Variants in TMEM242 observed in about 807,000 individuals in gnomAD.
The protein encoded by TMEM242 is UPF0463 transmembrane protein C6orf35.
TMEM242 carries 10 observed loss-of-function variants against 18.2 expected under a neutral mutation model. The observed-to-expected ratio is 0.55, with a 90% confidence interval of 0.34 to 0.93. The LOEUF (loss-of-function observed/expected upper bound fraction) is 0.93, where lower values mean the gene tolerates loss of function less well. Among genes scored for constraint, TMEM242 ranks in the 40% least tolerant of loss-of-function variants. TMEM242 has a pLI of 0.02. For synonymous variants in TMEM242, 57 were observed against 69.9 expected (o/e 0.81, Z 0.92); for missense variants, 186 against 175.5 (o/e 1.06, Z -0.34).
intron 3 of TMEM242, among the ~76,000 whole-genome samples, chr6:157,312,590 G>C (rs1554249319): frequency 4.1e-4 from 59 of 144,900 alleles, no homozygotes; most frequent in African/African-American, 1.4e-3. Context: ...CCTCATCATA[G>C]TGCCGCAGTG....
intron 2 of TMEM242, among the ~76,000 whole-genome samples, chr6:157,319,959 C>T (rs1408556367): frequency 3.3e-5 from 5 of 152,090 alleles, no homozygotes; most frequent in Non-Finnish European, 7.4e-5. Context: ...TGAGTCAAGC[C>T]CGCAGAAGAA....
rs1778451826 is a variant in TMEM242 at position 157,318,918 on chromosome 6, C to A, written c.191G>T (p.Gly64Val). 1.3e-6 allele frequency: 2 copies of A among 1,595,068 alleles called. No individual in the cohort carries two copies. Among genetic ancestry groups the A allele is most frequent in the East Asian group, 2.2e-5 (1 of 44,588 alleles). Reference sequence around the variant, plus strand: ...CGGTAATGCAGCCGTGGCCATACTTCCCTGAAATGAAACAGAAAAGTTGAG... The same window carrying A: ...CGGTAATGCAGCCGTGGCCATACTTACCTGAAATGAAACAGAAAAGTTGAG... ...KKKSPEWFNK[G>V]SMATAALPES... The change falls in exon 3 of 4, where the codon GGA (glycine) becomes GTA (valine). Residue 64 changes from glycine (G) to valine (V), a missense_variant and splice_region_variant. Coordinates refer to ENST00000400788, the MANE Select transcript of TMEM242 (RefSeq NM_018452.6).
At chr6:157,312,862 G>C (rs1554249458) in intron 3 of TMEM242, among the ~76,000 whole-genome samples, 18 of 134,000 alleles carry the variant, frequency 1.3e-4, no homozygotes, top group South Asian at 7.1e-4. Flanking sequence ...CCTCATCATA[G>C]TGTCCCAGTG....
At chr6:157,317,391 C>G (rs1778410356) in intron 3 of TMEM242, among the ~76,000 whole-genome samples, 1 of 152,166 alleles carries the variant, frequency 6.6e-6, no homozygotes, top group Admixed American at 6.6e-5. Context: ...GAAGTGTTTT[C>G]TTCACCGGGT....
chr6:157,314,436 C>G (rs1188167127), intron 3 of TMEM242, among the ~76,000 whole-genome samples: 9 of 73,900 alleles, frequency 1.2e-4, no homozygotes, highest in Admixed American at 5.9e-4. Flanking sequence ...ATCTTTTTTT[C>G]CAGAATTAAG....
intron 3 of TMEM242, among the ~76,000 whole-genome samples, chr6:157,310,333 A>G (rs763081446): frequency 9.2e-5 from 1 of 10,852 alleles, no homozygotes; most frequent in East Asian, 2.6e-3. Flanking sequence ...AACTTAAACT[A>G]TCTGTCTTGA....
chr6:157,316,169 T>C (rs1464067823), intron 3 of TMEM242, among the ~76,000 whole-genome samples: 1 of 152,224 alleles, frequency 6.6e-6, no homozygotes, highest in Non-Finnish European at 1.5e-5. Flanking sequence ...ACAGTTCATG[T>C]AAAGTGCTAG....
In TMEM242 at chr6:157,295,976, C is replaced by T. The variant is rs914619746; in HGVS notation, c.328-2977G>A. On this transcript the variant is annotated intron_variant, in intron 3 of 3. Coordinates refer to ENST00000400788, the MANE Select transcript of TMEM242 (RefSeq NM_018452.6). ...GGACAGTAAATGAAAACCTTCACAT[C>T]GTTTCCACCTATATCAATTTCTGAT... Among the ~76,000 whole-genome samples, 9 of 152,154 alleles carry T rather than the reference C, an allele frequency of 5.9e-5. No homozygotes were observed. In the East Asian group the frequency reaches 1.3e-3, roughly 23 times the overall value.
chr6:157,300,543 T>A (rs1336023811), intron 3 of TMEM242, among the ~76,000 whole-genome samples: 1 of 152,234 alleles, frequency 6.6e-6, no homozygotes, highest in African/African-American at 2.4e-5. Context: ...GATAGGGCGC[T>A]GTGCTTTGCA....
chr6:157,310,267 G>C (rs1360433303), intron 3 of TMEM242, among the ~76,000 whole-genome samples: 1 of 151,258 alleles, frequency 6.6e-6, no homozygotes, highest in African/African-American at 2.4e-5. Context: ...TTGATAGTTA[G>C]GGAATTGCCA....
chr6:157,309,181 A>C (rs1554248120), intron 3 of TMEM242, among the ~76,000 whole-genome samples: 2 of 152,200 alleles, frequency 1.3e-5, no homozygotes. Flanking sequence ...CAACTCTATG[A>C]ATATGCCTAC....
chr6:157,316,670 T>A (rs1330382016), intron 3 of TMEM242, among the ~76,000 whole-genome samples: 2 of 151,588 alleles, frequency 1.3e-5, no homozygotes, highest in African/African-American at 4.9e-5. Context: ...AGTCCAGGAG[T>A]TCGCAACCAG....
chr6:157,311,059 C>G (rs1554248588), intron 3 of TMEM242, among the ~76,000 whole-genome samples: 2 of 149,420 alleles, frequency 1.3e-5, no homozygotes, highest in Admixed American at 6.6e-5. Flanking sequence ...CACCTAACCC[C>G]ATCATAGTGC....
At chr6:157,317,041 C>A (rs1778403976) in intron 3 of TMEM242, among the ~76,000 whole-genome samples, 1 of 152,172 alleles carries the variant, frequency 6.6e-6, no homozygotes, top group Non-Finnish European at 1.5e-5. Flanking sequence ...GTTCCTGCAA[C>A]CCTGCCAACT....
intron 3 of TMEM242, among the ~76,000 whole-genome samples, chr6:157,311,304 G>C (rs1554248721): frequency 2.2e-5 from 3 of 139,508 alleles, no homozygotes; most frequent in Admixed American, 7.2e-5. Flanking sequence ...CCTCATTATA[G>C]TGTCCCAGTG....
chr6:157,316,682 C>T (rs587619371), intron 3 of TMEM242, among the ~76,000 whole-genome samples: 1 of 152,106 alleles, frequency 6.6e-6, no homozygotes, highest in African/African-American at 2.4e-5. Flanking sequence ...CGCAACCAGC[C>T]TGGGCAACAT....
intron 3 of TMEM242, among the ~76,000 whole-genome samples, chr6:157,311,104 C>G (rs797025884): frequency 3.0e-5 from 3 of 98,458 alleles, no homozygotes; most frequent in Admixed American, 2.4e-4. Context: ...ATCATAGTGT[C>G]CCAGTGTGCA....
chr6:157,322,918 C>G (rs1778518707), intron 1 of TMEM242, 113 bp from the exon 2 acceptor site: 1 of 908,836 alleles, frequency 1.1e-6, no homozygotes, highest in Non-Finnish European at 1.6e-6. Context: ...ATCAAAATCA[C>G]TTTTGAAATT....
intron 3 of TMEM242, among the ~76,000 whole-genome samples, chr6:157,298,425 C>A (rs1184137306): frequency 1.3e-5 from 2 of 152,126 alleles, no homozygotes; most frequent in African/African-American, 4.8e-5. Context: ...TAACAGCTAC[C>A]ATCAGATCAC....
Sources: gnomAD v4.1 joint callset for allele counts (sites outside exome capture counted in the v4.1 genomes callset) on GRCh38, gnomAD v4.1.1 for gene constraint, MANE v1.5 for transcripts, NCBI Gene and HGNC (gene_info 2026-07-23, HGNC 2026-07-21) for gene names.